VPS26A: variants seen among roughly 807,000 people sequenced by gnomAD.
VPS26A encodes the protein VPS26 retromer complex component A.
In VPS26A, 22 loss-of-function variants were observed where a neutral mutation model predicts 42.4. The observed-to-expected ratio is 0.52, with a 90% confidence interval of 0.37 to 0.74. The LOEUF is 0.74. VPS26A is among the 30% of genes least tolerant of loss of function. The pLI is 0.00. For missense variants in VPS26A, 276 were observed against 379.2 expected, an observed-to-expected ratio of 0.73 and a Z score of 2.26; for synonymous variants, 110 against 123.5, an observed-to-expected ratio of 0.89 and a Z score of 0.73.
chr10:69,143,979 A>C (rs1371055178), intron 2 of VPS26A, among the ~76,000 whole-genome samples: 1 of 152,166 alleles, frequency 6.6e-6, no homozygotes, highest in African/African-American at 2.4e-5. Context: ...CTGCCTTCCA[A>C]AGTGCTGGAA....
chr10:69,141,894 T>A (rs1249103788), intron 2 of VPS26A, among the ~76,000 whole-genome samples: 1 of 150,994 alleles, frequency 6.6e-6, no homozygotes, highest in Non-Finnish European at 1.5e-5. Flanking sequence ...TGATTCCTCT[T>A]TTTTTTTTGA....
At chr10:69,152,704 T>C (rs888169329) in intron 2 of VPS26A, among the ~76,000 whole-genome samples, 1 of 152,170 alleles carries the variant, frequency 6.6e-6, no homozygotes. Flanking sequence ...GCACAGTGGC[T>C]CATGCCTGTA....
intron 2 of VPS26A, among the ~76,000 whole-genome samples, chr10:69,151,277 A>AAAAAAC (rs1841306183): frequency 7.6e-6 from 1 of 131,134 alleles, no homozygotes; most frequent in Non-Finnish European, 1.6e-5. Flanking sequence ...AAAAAAAAAA[A>AAAAAAC]AAAAAACACA....
At chr10:69,158,305 A>G in intron 5 of VPS26A, 94 bp downstream of exon 5, 1 of 1,070,154 alleles carries the variant, frequency 9.3e-7, no homozygotes, top group Non-Finnish European at 1.3e-6. Context: ...TAGAATTGAC[A>G]TTAATCTGAT....
rs111743988 is a variant in VPS26A, at chr10:69,151,059, A to T, written c.154-4753A>T. 6.8e-3 allele frequency among the ~76,000 whole-genome samples: 1,038 copies of T among 151,802 alleles called. 17 individuals are homozygous for T. Among genetic ancestry groups the T allele is most frequent in the African/African-American group, 0.024 (974 of 41,322 alleles). ...GGCAGGCAGATCAAGAGGTCAGGAG[A>T]TGGAGACCATTCTGGCTAACATGGT... is the stretch of plus-strand genomic sequence containing the variant. On this transcript the variant is annotated intron_variant, in intron 2 of 8. Transcript: ENST00000263559.
At chr10:69,148,135 A>G (rs1841205358) in intron 2 of VPS26A, among the ~76,000 whole-genome samples, 1 of 152,234 alleles carries the variant, frequency 6.6e-6, no homozygotes, top group African/African-American at 2.4e-5. Flanking sequence ...CTCTTATTGT[A>G]TCTATTTAAG....
At chr10:69,163,669 A>G (rs1374203417) in intron 6 of VPS26A, among the ~76,000 whole-genome samples, 5 of 152,172 alleles carry the variant, frequency 3.3e-5, no homozygotes, top group South Asian at 4.1e-4. Flanking sequence ...TAAAAATTGT[A>G]TATATTCAAG....
chr10:69,137,859 TGA>T (rs758371336), intron 2 of VPS26A, among the ~76,000 whole-genome samples: 1 of 141,554 alleles, frequency 7.1e-6, no homozygotes, highest in African/African-American at 3.0e-5. Flanking sequence ...TAAGCTGTAT[TGA>T]GATATATATA....
chr10:69,172,124 T>C lies in VPS26A; in HGVS notation c.*855T>C, dbSNP rs565615377. ...CAATTTAAGGAATCTTTTTGCCATGTGTATGCAAATATTATTTTCTTCATA... is the reference window on the plus strand; with the variant it reads ...CAATTTAAGGAATCTTTTTGCCATGCGTATGCAAATATTATTTTCTTCATA... On this transcript the variant is annotated 3_prime_UTR_variant, in exon 9 of 9. Transcript: ENST00000263559. 2.6e-5 allele frequency: 4 copies of C among 152,354 alleles called. No individual in the cohort carries two copies. Among genetic ancestry groups the C allele is most frequent in the African/African-American group, 9.6e-5 (4 of 41,586 alleles). 9.4% of individuals were successfully genotyped at this position (152,354 alleles called of 1,614,324 possible). A position where few individuals can be genotyped will look rare whatever the true frequency, so the allele number is the denominator to read the frequency against.
At chr10:69,124,336 C>T in intron 1 of VPS26A, 56 bp downstream of exon 1, 1 of 1,233,424 alleles carries the variant, frequency 8.1e-7, no homozygotes, top group Non-Finnish European at 1.0e-6. Flanking sequence ...GAGCGCGCGG[C>T]GGGCCGGCCA....
chr10:69,165,195 T>C (rs1309697947), intron 6 of VPS26A, among the ~76,000 whole-genome samples: 2 of 152,210 alleles, frequency 1.3e-5, no homozygotes, highest in Non-Finnish European at 2.9e-5. Flanking sequence ...CTCAAAGTGC[T>C]GGGATTACAG....
At chr10:69,167,211 C>CT (rs1236145027) in intron 7 of VPS26A, among the ~76,000 whole-genome samples, 1 of 151,554 alleles carries the variant, frequency 6.6e-6, no homozygotes, top group East Asian at 1.9e-4. Context: ...GGGTGGATTG[C>CT]TTGAGCCCAG....
At chr10:69,160,781 T>G (rs73274673) in intron 5 of VPS26A, among the ~76,000 whole-genome samples, 5,452 of 152,278 alleles carry the variant, frequency 0.036, 338 homozygotes, top group African/African-American at 0.12. Context: ...GATACAATTT[T>G]GAGAGCCAAA....
At chr10:69,153,062 G>A (rs1038011346) in intron 2 of VPS26A, among the ~76,000 whole-genome samples, 2 of 149,014 alleles carry the variant, frequency 1.3e-5, no homozygotes, top group Non-Finnish European at 3.0e-5. Context: ...TTTTTTTTCG[G>A]TTGGCGGGTA....
At chr10:69,150,804 CAT>C (rs897173746) in intron 2 of VPS26A, among the ~76,000 whole-genome samples, 2 of 151,914 alleles carry the variant, frequency 1.3e-5, no homozygotes, top group African/African-American at 4.8e-5. Context: ...TATGCATGCC[CAT>C]ATATATGTAG....
chr10:69,149,516 A>T (rs868565005), intron 2 of VPS26A, among the ~76,000 whole-genome samples: 18 of 151,480 alleles, frequency 1.2e-4, no homozygotes, highest in Admixed American at 4.6e-4. Flanking sequence ...CACATTTAAA[A>T]TTTTTTTTTA....
intron 2 of VPS26A, among the ~76,000 whole-genome samples, chr10:69,136,915 C>A (rs1174386514): frequency 1.3e-5 from 2 of 152,020 alleles, no homozygotes. Flanking sequence ...CCTCAGCCTC[C>A]CGAGTAGCTG....
intron 2 of VPS26A, among the ~76,000 whole-genome samples, chr10:69,149,081 G>C (rs1589355177): frequency 6.7e-6 from 1 of 150,112 alleles, no homozygotes; most frequent in African/African-American, 2.5e-5. Flanking sequence ...ATGTAGATCT[G>C]TTTTTTTTTA....
chr10:69,156,011 A>G, intron 3 of VPS26A, 124 bp downstream of exon 3: 1 of 697,564 alleles, frequency 1.4e-6, no homozygotes, highest in South Asian at 1.9e-5. Flanking sequence ...ATTTTGCATA[A>G]TAAAAGAGAG....
Sources: allele counts gnomAD v4.1 joint callset (sites outside exome capture counted in the v4.1 genomes callset), GRCh38; gene constraint gnomAD v4.1.1; transcripts MANE v1.5; gene names NCBI Gene and HGNC (gene_info 2026-07-23, HGNC 2026-07-21).